The following RFX3 variants were observed in gnomAD, a reference collection of about 807,000 sequenced individuals.
RFX3 encodes the protein regulatory factor X3, also known as transcription factor RFX3.
RFX3 carries 14 observed loss-of-function variants against 98.6 expected under a neutral mutation model. The ratio of observed to expected loss-of-function variants is 0.14; its 90% confidence interval spans 0.09 to 0.22. The LOEUF (loss-of-function observed/expected upper bound fraction) is 0.22, where lower values mean the gene tolerates loss of function less well. Ranked by LOEUF, RFX3 falls within the 10% of genes least tolerant of loss-of-function variation. RFX3 has a pLI of 1.00. For missense variants in RFX3, 639 were observed against 926.9 expected, an observed-to-expected ratio of 0.69 and a Z score of 4.03; for synonymous variants, 383 against 328.4, an observed-to-expected ratio of 1.17 and a Z score of -1.80.
intron 1 of RFX3, among the ~76,000 whole-genome samples, chr9:3,439,172 A>G: frequency 6.6e-6 from 1 of 151,962 alleles, no homozygotes; most frequent in East Asian, 1.9e-4. Context: ...AGCCACTAAA[A>G]CAGTACTTAT....
chr9:3,484,406 C>G (rs1185618576), intron 1 of RFX3, among the ~76,000 whole-genome samples: 1 of 152,082 alleles, frequency 6.6e-6, no homozygotes, highest in African/African-American at 2.4e-5. Context: ...AGTCAGTAGA[C>G]TTACAGAGAA....
chr9:3,481,847 C>A (rs1309543402), intron 1 of RFX3, among the ~76,000 whole-genome samples: 3 of 150,722 alleles, frequency 2.0e-5, no homozygotes, highest in African/African-American at 7.3e-5. Context: ...ATTTATTCAA[C>A]TATTCGATTG....
At chr9:3,260,517 A>G (rs574776186) in intron 13 of RFX3, among the ~76,000 whole-genome samples, 1 of 152,030 alleles carries the variant, frequency 6.6e-6, no homozygotes, top group South Asian at 2.1e-4. Flanking sequence ...GGATATTATT[A>G]TAAATAATTC....
At chr9:3,316,360 T>G (rs530196557) in intron 4 of RFX3, among the ~76,000 whole-genome samples, 72 of 150,986 alleles carry the variant, frequency 4.8e-4, no homozygotes, top group Admixed American at 4.5e-3. Flanking sequence ...AAACTAGGTA[T>G]TGATGGGACG....
chr9:3,439,807 G>A (rs572280909), intron 1 of RFX3, among the ~76,000 whole-genome samples: 43 of 152,008 alleles, frequency 2.8e-4, no homozygotes, highest in African/African-American at 9.9e-4. Flanking sequence ...TAATACACAT[G>A]GAGATATTAC....
chr9:3,239,676 G>A (rs1393134599), intron 15 of RFX3, among the ~76,000 whole-genome samples: 2 of 152,238 alleles, frequency 1.3e-5, no homozygotes, highest in African/African-American at 4.8e-5. Flanking sequence ...AAAAACAGGA[G>A]CATTTAACAC....
chr9:3,260,397 C>A (rs148514243), intron 13 of RFX3, among the ~76,000 whole-genome samples: 2,142 of 151,886 alleles, frequency 0.014, 52 homozygotes, highest in African/African-American at 0.048. Context: ...ATGCTTATAA[C>A]CAGGGAAGAA....
At chr9:3,276,339 C>CT (rs144728287) in intron 8 of RFX3, among the ~76,000 whole-genome samples, 256 of 152,204 alleles carry the variant, frequency 1.7e-3, no homozygotes, top group African/African-American at 5.8e-3. Flanking sequence ...GTAAGTCTCT[C>CT]TGTGTTCTTT....
rs1193222237 is a variant in RFX3, at chr9:3,266,286, A to G, written c.1377T>C (p.Ile459=). The change falls in exon 12 of 17, where the codon ATT becomes ATC. Residue 459 remains isoleucine (I), a synonymous_variant. Coordinates refer to ENST00000617270, the MANE Select transcript of RFX3 (RefSeq NM_001282116.2). ...CTTCAAGGCTTTTTGCAAAATTTCG[A>G]ATGGCTTGGGTCAAGGCACCTAAAC... The part of the protein sequence containing the change: ...RPIPSALTQA[I]RNFAKSLEGW... The G allele has an allele frequency of 6.2e-7, 1 of 1,611,140 alleles. No individual in the cohort carries two copies. The highest frequency in any genetic ancestry group is 8.5e-7 in the Non-Finnish European group (1 of 1,177,922).
At chr9:3,504,894 C>CAT (rs1226026752) in intron 1 of RFX3, among the ~76,000 whole-genome samples, 1 of 18,210 alleles carries the variant, frequency 5.5e-5, no homozygotes, top group Non-Finnish European at 1.1e-4. Context: ...TATAATATAA[C>CAT]ATATATTATA....
chr9:3,313,308 C>G (rs1476304778), intron 4 of RFX3, among the ~76,000 whole-genome samples: 1 of 152,214 alleles, frequency 6.6e-6, no homozygotes, highest in African/African-American at 2.4e-5. Context: ...AGGGTCCTGA[C>G]TGTTAGAAGG....
intron 1 of RFX3, among the ~76,000 whole-genome samples, chr9:3,435,476 C>T (rs1052162639): frequency 2.0e-5 from 3 of 151,918 alleles, no homozygotes; most frequent in African/African-American, 7.2e-5. Flanking sequence ...ATCATCAAGA[C>T]ATCACTTGGC....
intron 15 of RFX3, chr9:3,246,920 T>G (rs1231427319): frequency 2.2e-5 from 7 of 318,068 alleles, no homozygotes; most frequent in Non-Finnish European, 3.2e-5. Context: ...ACTGACCTTC[T>G]AGGCAAGTTT....
intron 1 of RFX3, among the ~76,000 whole-genome samples, chr9:3,429,641 T>G (rs1023419822): frequency 2.0e-5 from 3 of 152,158 alleles, no homozygotes; most frequent in Non-Finnish European, 2.9e-5. Flanking sequence ...CGTCTTATAT[T>G]CTGGCTTGCC....
At chr9:3,327,504 A>T (rs1046914452) in intron 4 of RFX3, among the ~76,000 whole-genome samples, 1 of 152,130 alleles carries the variant, frequency 6.6e-6, no homozygotes, top group African/African-American at 2.4e-5. Flanking sequence ...CGCACTATCA[A>T]TCAATATGGG....
At chr9:3,292,417 A>G (rs1827507542) in intron 6 of RFX3, among the ~76,000 whole-genome samples, 1 of 152,168 alleles carries the variant, frequency 6.6e-6, no homozygotes, top group South Asian at 2.1e-4. Context: ...TTTCAATTCA[A>G]TTGAACTATA....
chr9:3,289,970 T>C (rs911631522), intron 6 of RFX3, among the ~76,000 whole-genome samples: 14 of 152,070 alleles, frequency 9.2e-5, no homozygotes, highest in African/African-American at 3.1e-4. Flanking sequence ...TGCCTCATGA[T>C]TTATATTAAT....
chr9:3,343,400 G>A (rs965645658), intron 3 of RFX3, among the ~76,000 whole-genome samples: 1 of 152,150 alleles, frequency 6.6e-6, no homozygotes, highest in Non-Finnish European at 1.5e-5. Flanking sequence ...ACACTAACTT[G>A]CTGTTAATTC....
chr9:3,342,219 G>A (rs568238011), intron 3 of RFX3, among the ~76,000 whole-genome samples: 4 of 152,050 alleles, frequency 2.6e-5, no homozygotes, highest in African/African-American at 9.7e-5. Flanking sequence ...TATTACTCAG[G>A]TACAAGTATT....
Sources: allele counts gnomAD v4.1 joint callset (sites outside exome capture counted in the v4.1 genomes callset), GRCh38; gene constraint gnomAD v4.1.1; transcripts MANE v1.5; gene names NCBI Gene and HGNC (gene_info 2026-07-23, HGNC 2026-07-21).